IMMP2L: variants seen among roughly 807,000 people sequenced by gnomAD.
IMMP2L encodes mitochondrial inner membrane protease subunit 2.
IMMP2L carries 18 observed loss-of-function variants against 19.3 expected under a neutral mutation model. The ratio of observed to expected loss-of-function variants is 0.93; its 90% CI spans 0.64 to 1.38. IMMP2L has a LOEUF of 1.38. IMMP2L is among the 40% of genes most tolerant of loss of function. The pLI is 0.00. For missense variants in IMMP2L, 233 were observed against 218.2 expected (o/e 1.07, Z -0.43); for synonymous variants, 76 against 73.0 (o/e 1.04, Z -0.21).
chr7:111,007,463 C>T (rs547413909), intron 3 of IMMP2L, among the ~76,000 whole-genome samples: 2 of 152,172 alleles, frequency 1.3e-5, no homozygotes, highest in African/African-American at 4.8e-5. Flanking sequence ...TTTGGAAATA[C>T]AAAAACTTTC....
chr7:110,788,115 A>G (rs940529081), intron 5 of IMMP2L, among the ~76,000 whole-genome samples: 2 of 152,010 alleles, frequency 1.3e-5, no homozygotes. Context: ...CCTAAAAAAA[A>G]ATAACACCCT....
intron 5 of IMMP2L, among the ~76,000 whole-genome samples, chr7:110,706,566 T>C (rs1005379115): frequency 1.3e-5 from 2 of 152,184 alleles, no homozygotes; most frequent in Admixed American, 6.5e-5. Context: ...TGTGAGATGA[T>C]ATCTCACTGT....
intron 4 of IMMP2L, among the ~76,000 whole-genome samples, chr7:110,916,933 C>T (rs950951357): frequency 1.3e-5 from 2 of 152,044 alleles, no homozygotes; most frequent in African/African-American, 4.8e-5. Context: ...ATAGTGGTCC[C>T]CCCAAAAGAT....
intron 5 of IMMP2L, among the ~76,000 whole-genome samples, chr7:110,779,507 T>C (rs1301232851): frequency 1.3e-5 from 2 of 151,918 alleles, no homozygotes; most frequent in African/African-American, 2.4e-5. Flanking sequence ...AAGGCATTTC[T>C]GACTCAGGGG....
chr7:111,510,224 A>C (rs1476885678), intron 2 of IMMP2L, among the ~76,000 whole-genome samples: 1 of 152,144 alleles, frequency 6.6e-6, no homozygotes, highest in Non-Finnish European at 1.5e-5. Flanking sequence ...AATGCTTGTA[A>C]AAAGAATTTC....
chr7:111,031,565 C>CTATTTATTT (rs1444676266), intron 3 of IMMP2L, among the ~76,000 whole-genome samples: 2 of 151,918 alleles, frequency 1.3e-5, no homozygotes, highest in African/African-American at 4.8e-5. Flanking sequence ...ATCCACAAGC[C>CTATTTATTT]TACACAGATA....
At chr7:110,752,258 C>A in intron 5 of IMMP2L, among the ~76,000 whole-genome samples, 1 of 151,976 alleles carries the variant, frequency 6.6e-6, no homozygotes, top group Middle Eastern at 3.4e-3. Flanking sequence ...ATGGTAATTA[C>A]AATAGATTTC....
chr7:111,353,493 C>G (rs897469259), intron 3 of IMMP2L, among the ~76,000 whole-genome samples: 1 of 152,104 alleles, frequency 6.6e-6, no homozygotes, highest in Non-Finnish European at 1.5e-5. Context: ...ACTCAAAACC[C>G]TTTTCTATTT....
chr7:111,528,305 A>T (rs1847072578), intron 1 of IMMP2L, among the ~76,000 whole-genome samples: 1 of 152,160 alleles, frequency 6.6e-6, no homozygotes, highest in African/African-American at 2.4e-5. Flanking sequence ...ACAATCAGGT[A>T]CTAAAATCAC....
At chr7:111,281,176 AAGAAAGAAAGAAAG>A (rs1819736232) in intron 3 of IMMP2L, among the ~76,000 whole-genome samples, 1 of 64,572 alleles carries the variant, frequency 1.5e-5, no homozygotes, top group Non-Finnish European at 2.9e-5. Flanking sequence ...GAAAGAAAGA[AAGAAAGAAAGAAAG>A]AAAGAAAGAA....
intron 4 of IMMP2L, among the ~76,000 whole-genome samples, chr7:110,947,630 T>C (rs778852558): frequency 4.6e-5 from 7 of 152,226 alleles, no homozygotes; most frequent in Non-Finnish European, 1.0e-4. Flanking sequence ...CATTTTGGCT[T>C]TCCATCCTAC....
intron 3 of IMMP2L, among the ~76,000 whole-genome samples, chr7:110,965,361 G>A (rs1231427135): frequency 6.6e-6 from 1 of 151,972 alleles, no homozygotes; most frequent in Non-Finnish European, 1.5e-5. Flanking sequence ...AAGGAAATGT[G>A]CACTTTCAAT....
At chr7:111,268,121 A>C (rs1265660077) in intron 3 of IMMP2L, among the ~76,000 whole-genome samples, 1 of 152,126 alleles carries the variant, frequency 6.6e-6, no homozygotes, top group African/African-American at 2.4e-5. Flanking sequence ...ACTCATCAAC[A>C]CAGCACCACC....
chr7:111,070,162 A>G (rs531108810), intron 3 of IMMP2L, among the ~76,000 whole-genome samples: 1 of 152,228 alleles, frequency 6.6e-6, no homozygotes, highest in African/African-American at 2.4e-5. Context: ...CGTAAAGTAT[A>G]AAGTCCAAAG....
intron 3 of IMMP2L, among the ~76,000 whole-genome samples, chr7:111,290,872 A>C (rs1821034455): frequency 6.6e-6 from 1 of 151,014 alleles, no homozygotes; most frequent in Non-Finnish European, 1.5e-5. Context: ...ATATATATCT[A>C]ATTTTCTATC....
rs148679968 is a variant in IMMP2L, at chr7:111,487,144, T to C, written c.239+94A>G. ...ATTTAACATGTATTCAATTTAATAA[T>C]TGGCAATATGATATTAACAGTGGAT... On this transcript the variant is annotated intron_variant, in intron 3 of 5. Transcript: ENST00000405709. 1,927 of 579,734 alleles carry C rather than the reference T, an allele frequency of 3.3e-3. 42 individuals carry two copies. The South Asian group carries it at 0.035, about 10-fold the overall frequency. 35.9% of individuals were successfully genotyped at this position (579,734 alleles called of 1,614,324 possible).
At chr7:111,164,312 A>C (rs192635891) in intron 3 of IMMP2L, among the ~76,000 whole-genome samples, 4 of 152,198 alleles carry the variant, frequency 2.6e-5, no homozygotes, top group Non-Finnish European at 5.9e-5. Flanking sequence ...GAGCTCTGGG[A>C]AATCAAAAAG....
intron 5 of IMMP2L, among the ~76,000 whole-genome samples, chr7:110,674,033 C>A (rs1792110501): frequency 6.6e-6 from 1 of 152,170 alleles, no homozygotes; most frequent in African/African-American, 2.4e-5. Context: ...TTAGTCCATT[C>A]TCATGCTGCT....
intron 3 of IMMP2L, among the ~76,000 whole-genome samples, chr7:111,317,311 A>C (rs1824216474): frequency 6.6e-6 from 1 of 152,144 alleles, no homozygotes; most frequent in African/African-American, 2.4e-5. Flanking sequence ...TCTGAACTAG[A>C]AATAAATGAA....
Sources: allele counts gnomAD v4.1 joint callset (sites outside exome capture counted in the v4.1 genomes callset), GRCh38; gene constraint gnomAD v4.1.1; transcripts MANE v1.5; gene names NCBI Gene and HGNC (gene_info 2026-07-23, HGNC 2026-07-21).